DNAH6: variants seen among roughly 807,000 people sequenced by gnomAD.
The protein encoded by DNAH6 is axonemal beta dynein heavy chain 6.
In DNAH6, 340 loss-of-function variants were observed where a neutral mutation model predicts 491.4. That is an observed-to-expected ratio of 0.69 (90% CI 0.63 to 0.76). The LOEUF (loss-of-function observed/expected upper bound fraction) is 0.76. Among genes scored for constraint, DNAH6 ranks in the 30% least tolerant of loss-of-function variants. DNAH6 has a pLI of 0.00. For missense variants in DNAH6, 4,443 were observed against 4,972.2 expected (o/e 0.89, Z 3.20); for synonymous variants, 1,603 against 1,686.1 (o/e 0.95, Z 1.21).
chr2:84,745,620 C>T (rs371039303), intron 63 of DNAH6, among the ~76,000 whole-genome samples: 7 of 149,484 alleles, frequency 4.7e-5, no homozygotes, highest in African/African-American at 1.5e-4. Context: ...GAGCCGAGAT[C>T]GCGCCACTGC....
chr2:84,481,824 G>T, the DNAH6 span, among the ~76,000 whole-genome samples: 7 of 152,232 alleles, frequency 4.6e-5, no homozygotes, highest in African/African-American at 1.7e-4. Flanking sequence ...TTCTCAGGCA[G>T]CATTGCTGAG....
rs1695445704 is a variant in DNAH6, at chr2:84,696,835, T to C, written c.7525-740T>C. Among the ~76,000 whole-genome samples the C allele has an allele frequency of 2.6e-5, 4 of 152,126 alleles. No homozygotes were observed. In the South Asian group the frequency reaches 8.3e-4, roughly 31 times the overall value. Reference sequence around the variant, plus strand: ...TATTTCAAAATATGTAAATTACTCATGCAAATTTGAAAGAAAACTCCAAGA... The same window carrying C: ...TATTTCAAAATATGTAAATTACTCACGCAAATTTGAAAGAAAACTCCAAGA... On this transcript the variant is annotated intron_variant, in intron 46 of 76. Transcript: ENST00000389394.
At chr2:84,518,545 A>G (rs533134612) in intron 2 of DNAH6, among the ~76,000 whole-genome samples, 1 of 152,358 alleles carries the variant, frequency 6.6e-6, no homozygotes, top group South Asian at 2.1e-4. Context: ...AAAATTAAAA[A>G]GTAAAAGTTG....
the DNAH6 span, among the ~76,000 whole-genome samples, chr2:84,504,919 A>T: frequency 6.6e-6 from 1 of 152,166 alleles, no homozygotes; most frequent in Non-Finnish European, 1.5e-5. Flanking sequence ...TTGGACAGGG[A>T]TTGTATTGAA....
At chr2:84,806,439 G>A (rs1040863651) in intron 71 of DNAH6, among the ~76,000 whole-genome samples, 1 of 152,068 alleles carries the variant, frequency 6.6e-6, no homozygotes, top group Non-Finnish European at 1.5e-5. Context: ...CTAACACGGT[G>A]AAACCCCATC....
intron 33 of DNAH6, among the ~76,000 whole-genome samples, chr2:84,647,125 G>A (rs1308846667): frequency 4.6e-5 from 7 of 152,178 alleles, no homozygotes; most frequent in Non-Finnish European, 2.9e-5. Context: ...GGCATTACAG[G>A]TGTGAGCCAC....
chr2:84,461,669 C>T, the DNAH6 span, among the ~76,000 whole-genome samples: 15 of 152,036 alleles, frequency 9.9e-5, no homozygotes, highest in African/African-American at 3.1e-4. Flanking sequence ...ACCAAATAGT[C>T]GATAATGGTA....
At chr2:84,687,776 CT>C (rs1234432932) in intron 44 of DNAH6, among the ~76,000 whole-genome samples, 1 of 152,190 alleles carries the variant, frequency 6.6e-6, no homozygotes, top group African/African-American at 2.4e-5. Flanking sequence ...ACTCGACTCC[CT>C]ACACTTCACA....
the DNAH6 span, among the ~76,000 whole-genome samples, chr2:84,488,075 G>C: frequency 6.6e-6 from 1 of 151,878 alleles, no homozygotes; most frequent in African/African-American, 2.4e-5. Flanking sequence ...CTGTTTTTAG[G>C]CATTAAAAAA....
intron 21 of DNAH6, among the ~76,000 whole-genome samples, chr2:84,610,763 T>C (rs1470480882): frequency 6.6e-6 from 1 of 152,240 alleles, no homozygotes; most frequent in African/African-American, 2.4e-5. Context: ...CAAAGAGAAC[T>C]TTCTCAGAAA....
chr2:84,621,136 T>G, intron 24 of DNAH6, 55 bp from the exon 25 acceptor site: 1 of 1,524,988 alleles, frequency 6.6e-7, no homozygotes, highest in Non-Finnish European at 8.9e-7. Context: ...ACAGAAGGCA[T>G]ACAGCTTACA....
chr2:84,599,721 A>G (rs1288686422), intron 18 of DNAH6, among the ~76,000 whole-genome samples: 4 of 152,126 alleles, frequency 2.6e-5, no homozygotes, highest in African/African-American at 7.2e-5. Flanking sequence ...TCATTGTTCT[A>G]TAAGCCTATT....
intron 11 of DNAH6, among the ~76,000 whole-genome samples, chr2:84,569,542 A>G (rs2103906534): frequency 6.6e-6 from 1 of 152,308 alleles, no homozygotes; most frequent in South Asian, 2.1e-4. Flanking sequence ...AAATAAACCC[A>G]CATGTATTTC....
intron 61 of DNAH6, among the ~76,000 whole-genome samples, chr2:84,733,128 A>G (rs1485351290): frequency 1.3e-5 from 2 of 152,208 alleles, no homozygotes; most frequent in Non-Finnish European, 2.9e-5. Context: ...AAAATTATTA[A>G]CCTTAGGAAT....
At position 84,727,916 on chromosome 2, in the gene DNAH6, A is replaced by G; in HGVS notation, c.10206+14A>G. On this transcript the variant is annotated intron_variant, in intron 61 of 76. Coordinates refer to ENST00000389394, the MANE Select transcript of DNAH6 (RefSeq NM_001370.2). ...GGATTGGAAAAGGTACCTGATTCCC[A>G]TTTAGGTGATGATTGATATGGTTTG... The G allele has an allele frequency of 1.4e-6, 2 of 1,473,800 alleles. No individual in the cohort carries two copies. The highest frequency in any genetic ancestry group is 1.9e-6 in the Non-Finnish European group (2 of 1,076,128). The allele number at this position is 1,473,800 out of a possible 1,614,324, so 91.3% of individuals were successfully genotyped here.
At chr2:84,594,204 G>A (rs1012571293) in intron 17 of DNAH6, 119 bp downstream of exon 17, 3 of 438,088 alleles carry the variant, frequency 6.8e-6, no homozygotes, top group Non-Finnish European at 1.1e-5. Flanking sequence ...AGTAAAATAT[G>A]CAATGGTATC....
chr2:84,518,808 A>G (rs1675853790), intron 2 of DNAH6, among the ~76,000 whole-genome samples: 1 of 152,256 alleles, frequency 6.6e-6, no homozygotes, highest in African/African-American at 2.4e-5. Flanking sequence ...ACAAAAATGA[A>G]CAAAGCAGAC....
At chr2:84,482,796 G>A in the DNAH6 span, among the ~76,000 whole-genome samples, 1 of 152,236 alleles carries the variant, frequency 6.6e-6, no homozygotes, top group Non-Finnish European at 1.5e-5. Flanking sequence ...AAGGAGCACA[G>A]ATTGAGTGTA....
chr2:84,741,186 C>T (rs952554385), intron 62 of DNAH6, among the ~76,000 whole-genome samples: 2 of 152,116 alleles, frequency 1.3e-5, no homozygotes, highest in African/African-American at 2.4e-5. Flanking sequence ...CCTTTCCCTG[C>T]TTGGCTGGGT....
Sources: allele counts gnomAD v4.1 joint callset (sites outside exome capture counted in the v4.1 genomes callset), GRCh38; gene constraint gnomAD v4.1.1; transcripts MANE v1.5; gene names NCBI Gene and HGNC (gene_info 2026-07-23, HGNC 2026-07-21).